Variants in B3GALT1 observed in about 807,000 individuals in gnomAD.
B3GALT1 encodes UDP-Gal:betaGlcNAc beta 1,3-galactosyltransferase, polypeptide 1.
Under a neutral mutation model 23.2 loss-of-function variants are expected in B3GALT1, and 10 were observed. The observed-to-expected ratio is 0.43, with a 90% CI of 0.27 to 0.73. The LOEUF (loss-of-function observed/expected upper bound fraction) is 0.73, where lower values mean the gene tolerates loss of function less well. Among genes scored for constraint, B3GALT1 ranks in the 30% least tolerant of loss-of-function variants. The probability of loss-of-function intolerance (pLI) is 0.21; values close to 1 mark genes in which losing one functional copy is unlikely to be tolerated. For synonymous variants in B3GALT1, 156 were observed against 141.5 expected (o/e 1.10, Z -0.73); for missense variants, 299 against 405.4 (o/e 0.74, Z 2.25).
intron 2 of B3GALT1, among the ~76,000 whole-genome samples, chr2:167,556,363 A>C (rs1305228040): frequency 6.6e-6 from 1 of 152,166 alleles, no homozygotes; most frequent in Non-Finnish European, 1.5e-5. Flanking sequence ...TAATGTAGAA[A>C]ATCTCTACTT....
At position 167,469,182 on chromosome 2, in the gene B3GALT1, A is replaced by T. The variant is rs1252363250; in HGVS notation, c.-510-20995A>T. ...GAGAAGCAGCATGGTGTGGTGGTTA[A>T]AATTATGGACTCTGGAGCCAGGCTG... On this transcript the variant is annotated intron_variant, in intron 1 of 4. Transcript: ENST00000392690. Among the ~76,000 whole-genome samples the T allele has an allele frequency of 2.0e-5, 3 of 152,174 alleles. No individual in the cohort carries two copies. In the East Asian group the frequency reaches 5.8e-4, roughly 29 times the overall value.
At chr2:167,736,985 C>G (rs779181823) in intron 3 of B3GALT1, among the ~76,000 whole-genome samples, 1 of 151,372 alleles carries the variant, frequency 6.6e-6, no homozygotes, top group Non-Finnish European at 1.5e-5. Context: ...TGATAAATCC[C>G]TCTTACAGCA....
chr2:167,674,754 T>C (rs1686392717), intron 3 of B3GALT1, among the ~76,000 whole-genome samples: 1 of 152,222 alleles, frequency 6.6e-6, no homozygotes, highest in African/African-American at 2.4e-5. Context: ...TGTCTGTTTT[T>C]TAAGAAATAC....
rs1006329712 is a variant in B3GALT1 at position 167,873,222 on chromosome 2, A to G, written c.*3202A>G. The G allele has an allele frequency of 6.6e-6, 1 of 152,030 alleles. No homozygotes were observed. Among genetic ancestry groups the G allele is most frequent in the African/African-American group, 2.4e-5 (1 of 41,398 alleles). The allele number at this position is 152,030 out of a possible 1,614,324, so 9.4% of individuals were successfully genotyped here. A position where few individuals can be genotyped will look rare whatever the true frequency, so the allele number is the denominator to read the frequency against. The stretch of plus-strand genomic sequence containing the variant: ...TAACAGTATCAGTGTCTATGTTCTT[A>G]AAGTTCCTTTTTTTAATTTACTTTT... On this transcript the variant is annotated 3_prime_UTR_variant, in exon 5 of 5. Coordinates refer to ENST00000392690, the MANE Select transcript of B3GALT1 (RefSeq NM_020981.4).
In B3GALT1 at chr2:167,566,779, G is replaced by T. The variant is rs148010551; in HGVS notation, c.-410+76502G>T. On this transcript the variant is annotated intron_variant, in intron 2 of 4. Transcript: ENST00000392690. ...AGGGTGGTAATTTCAATGCTGTCCTGAGTCACTCAGTCCTTTAAAAGGCAG... is the reference window on the plus strand; with the variant it reads ...AGGGTGGTAATTTCAATGCTGTCCTTAGTCACTCAGTCCTTTAAAAGGCAG... Among the ~76,000 whole-genome samples, 94 of 152,244 alleles carry T rather than the reference G, an allele frequency of 6.2e-4. 2 individuals are homozygous for T. In the East Asian group the frequency reaches 0.016, roughly 26 times the overall value.
chr2:167,837,428 G>C (rs536473070), intron 4 of B3GALT1, among the ~76,000 whole-genome samples: 2 of 151,824 alleles, frequency 1.3e-5, no homozygotes, highest in African/African-American at 4.8e-5. Flanking sequence ...AAGAGACAAA[G>C]AAGGCCATTA....
chr2:167,783,027 T>C (rs1688274336), intron 3 of B3GALT1, among the ~76,000 whole-genome samples: 1 of 152,110 alleles, frequency 6.6e-6, no homozygotes, highest in Admixed American at 6.5e-5. Context: ...TTATGGTGAA[T>C]CGGCAGAGAA....
At chr2:167,425,765 C>T (rs575966369) in intron 1 of B3GALT1, among the ~76,000 whole-genome samples, 33 of 152,138 alleles carry the variant, frequency 2.2e-4, no homozygotes, top group East Asian at 7.7e-4. Flanking sequence ...AATGATTTAT[C>T]GACTTTGTAC....
At chr2:167,537,826 T>C (rs1683455201) in intron 2 of B3GALT1, among the ~76,000 whole-genome samples, 1 of 94,746 alleles carries the variant, frequency 1.1e-5, no homozygotes, top group Non-Finnish European at 1.9e-5. Context: ...ATGCTTGTTC[T>C]TTTTTTTTTT....
At chr2:167,697,926 A>T (rs567138681) in intron 3 of B3GALT1, among the ~76,000 whole-genome samples, 2 of 152,358 alleles carry the variant, frequency 1.3e-5, no homozygotes, top group African/African-American at 4.8e-5. Flanking sequence ...CCTCAGAAAC[A>T]CTTAAGTTGT....
At chr2:167,470,078 A>T (rs1158282284) in intron 1 of B3GALT1, among the ~76,000 whole-genome samples, 1 of 152,150 alleles carries the variant, frequency 6.6e-6, no homozygotes, top group Non-Finnish European at 1.5e-5. Flanking sequence ...TCATCCTGAT[A>T]TATATCTGTG....
intron 3 of B3GALT1, among the ~76,000 whole-genome samples, chr2:167,805,341 A>G (rs1018191621): frequency 5.3e-5 from 8 of 151,934 alleles, no homozygotes; most frequent in African/African-American, 1.9e-4. Flanking sequence ...ATTAGATCCC[A>G]TTTGTCAATT....
intron 1 of B3GALT1, among the ~76,000 whole-genome samples, chr2:167,479,644 T>G (rs1304010075): frequency 2.0e-5 from 3 of 152,126 alleles, no homozygotes; most frequent in Non-Finnish European, 4.4e-5. Context: ...TTGAGGTAAC[T>G]TGGCTACCTC....
In B3GALT1 at chr2:167,615,655, TA is replaced by T. The variant is rs201476994; in HGVS notation, c.-409-31245del. ...TATACAATTTTTGTCAATTAAAAAATAAAAAAAAATTGAAAAGCAAACAATG... is the reference window on the plus strand; with the variant it reads ...TATACAATTTTTGTCAATTAAAAAATAAAAAAAATTGAAAAGCAAACAATG... On this transcript the variant is annotated intron_variant, in intron 2 of 4. Transcript: ENST00000392690. 5.8e-3 allele frequency among the ~76,000 whole-genome samples: 870 copies of T among 151,092 alleles called. 5 individuals are homozygous for T. Among genetic ancestry groups the T allele is most frequent in the African/African-American group, 0.017 (700 of 41,136 alleles).
At chr2:167,462,532 AT>A (rs1299722022) in intron 1 of B3GALT1, among the ~76,000 whole-genome samples, 2 of 152,086 alleles carry the variant, frequency 1.3e-5, no homozygotes, top group African/African-American at 4.8e-5. Flanking sequence ...TAATCAAATT[AT>A]TTTTCCCCTA....
Position 167,451,115 on chromosome 2 carries a change from T to G in B3GALT1, c.-510-39062T>G, listed in dbSNP as rs551451200. Reference sequence around the variant, plus strand: ...ATTTCTTGTATATATGTATTTTTTATTTCCTTGAAGTGGACTTCACCTTTC... The same window carrying G: ...ATTTCTTGTATATATGTATTTTTTAGTTCCTTGAAGTGGACTTCACCTTTC... On this transcript the variant is annotated intron_variant, in intron 1 of 4. Transcript: ENST00000392690. Among the ~76,000 whole-genome samples the G allele has an allele frequency of 5.3e-5, 8 of 152,272 alleles. No individual in the cohort carries two copies. The South Asian group carries it at 1.4e-3, about 28-fold the overall frequency.
At position 167,624,547 on chromosome 2, in the gene B3GALT1, A is replaced by G. The variant is rs534065959; in HGVS notation, c.-409-22362A>G. ...CAGACATGAGCGTTTTATTTGTGAGAAAGCTGAGTTTAAGTACCTTGCCCA... is the reference window on the plus strand; with the variant it reads ...CAGACATGAGCGTTTTATTTGTGAGGAAGCTGAGTTTAAGTACCTTGCCCA... On this transcript the variant is annotated intron_variant, in intron 2 of 4. Coordinates refer to ENST00000392690, the MANE Select transcript of B3GALT1 (RefSeq NM_020981.4). 3.9e-5 allele frequency among the ~76,000 whole-genome samples: 6 copies of G among 152,218 alleles called. No individual in the cohort carries two copies. The South Asian group carries it at 1.2e-3, about 32-fold the overall frequency.
intron 1 of B3GALT1, among the ~76,000 whole-genome samples, chr2:167,385,651 A>G (rs761732881): frequency 3.3e-4 from 50 of 152,218 alleles, no homozygotes; most frequent in South Asian, 4.1e-4. Context: ...AAGCTTCCAA[A>G]GACCATACTG....
In B3GALT1 at chr2:167,597,138, TAGAG is replaced by T. The variant is rs774732816; in HGVS notation, c.-409-49770_-409-49767del. 9.2e-3 allele frequency among the ~76,000 whole-genome samples: 1,360 copies of T among 148,180 alleles called. 13 individuals are homozygous for T. Among genetic ancestry groups the T allele is most frequent in the South Asian group, 0.03 (141 of 4,692 alleles). On this transcript the variant is annotated intron_variant, in intron 2 of 4. Coordinates refer to ENST00000392690, the MANE Select transcript of B3GALT1 (RefSeq NM_020981.4). The stretch of plus-strand genomic sequence containing the variant: ...TTTTGTTTTTTTTTTTTTTTTTAGA[TAGAG>T]CCTCTCTCTGTCGCCCAGGCTGGAG...
Sources: allele counts gnomAD v4.1 joint callset (sites outside exome capture counted in the v4.1 genomes callset), GRCh38; gene constraint gnomAD v4.1.1; transcripts MANE v1.5; gene names NCBI Gene and HGNC (gene_info 2026-07-23, HGNC 2026-07-21).